VAV3: variants seen among roughly 807,000 people sequenced by gnomAD.
VAV3 encodes the protein vav guanine nucleotide exchange factor 3.
Under a neutral mutation model 131.2 loss-of-function variants are expected in VAV3, and 94 were observed. That is an observed-to-expected ratio of 0.72 (90% CI 0.61 to 0.85). The LOEUF (loss-of-function observed/expected upper bound fraction) is 0.85. Among genes scored for constraint, VAV3 ranks in the 40% least tolerant of loss-of-function variants. The pLI is 0.00. For missense variants in VAV3, 939 were observed against 1,002.7 expected, an observed-to-expected ratio of 0.94 and a Z score of 0.86; for synonymous variants, 349 against 342.0, an observed-to-expected ratio of 1.02 and a Z score of -0.22.
intron 1 of VAV3, among the ~76,000 whole-genome samples, chr1:107,895,650 G>A (rs1671527743): frequency 6.6e-6 from 1 of 152,096 alleles, no homozygotes; most frequent in South Asian, 2.1e-4. Context: ...CAGTGACACA[G>A]GAAAGAAAAA....
chr1:107,601,151 A>G (rs1208254554), intron 24 of VAV3, among the ~76,000 whole-genome samples: 1 of 151,978 alleles, frequency 6.6e-6, no homozygotes, highest in East Asian at 1.9e-4. Context: ...CTCTGGTCCA[A>G]TTCTCTCTGT....
chr1:107,701,643 G>T (rs1477733573), intron 17 of VAV3, among the ~76,000 whole-genome samples: 2 of 152,150 alleles, frequency 1.3e-5, no homozygotes, highest in Admixed American at 6.5e-5. Flanking sequence ...GCATCATCAG[G>T]CTGCAAATTC....
At chr1:107,838,096 C>A (rs1245599556) in intron 2 of VAV3, among the ~76,000 whole-genome samples, 1 of 152,144 alleles carries the variant, frequency 6.6e-6, no homozygotes, top group Non-Finnish European at 1.5e-5. Flanking sequence ...ACAGAGTAAA[C>A]AAACTACAGA....
intron 25 of VAV3, among the ~76,000 whole-genome samples, chr1:107,582,099 C>T (rs570995253): frequency 5.3e-5 from 8 of 152,242 alleles, no homozygotes; most frequent in South Asian, 2.1e-4. Flanking sequence ...TGATCACTTG[C>T]GTTTGCTGCC....
At chr1:107,807,325 T>C (rs1667104398) in intron 2 of VAV3, among the ~76,000 whole-genome samples, 1 of 152,224 alleles carries the variant, frequency 6.6e-6, no homozygotes, top group Admixed American at 6.5e-5. Flanking sequence ...GCTCAGTATT[T>C]AGAACCCAAC....
chr1:107,577,032 C>T (rs772507225), intron 25 of VAV3, among the ~76,000 whole-genome samples: 15 of 152,162 alleles, frequency 9.9e-5, no homozygotes, highest in Admixed American at 6.5e-5. Flanking sequence ...AAAGTAAATA[C>T]ATCCTCCACA....
chr1:107,676,042 C>G (rs1220637027), intron 19 of VAV3, among the ~76,000 whole-genome samples: 1 of 152,148 alleles, frequency 6.6e-6, no homozygotes, highest in African/African-American at 2.4e-5. Flanking sequence ...AGGTGGAAAA[C>G]CTAGGCACAG....
rs151190550 is a variant in VAV3 at position 107,667,277 on chromosome 1, G to A, written c.1777+16211C>T. ...AATCAATACACAGAAATTCTGGAAGGTGGATGCTAATAACACCCCCAGTAA... is the reference window on the plus strand; with the variant it reads ...AATCAATACACAGAAATTCTGGAAGATGGATGCTAATAACACCCCCAGTAA... On this transcript the variant is annotated intron_variant, in intron 19 of 26. Transcript: ENST00000370056. 2.0e-5 allele frequency among the ~76,000 whole-genome samples: 3 copies of A among 152,282 alleles called. No individual in the cohort carries two copies. In the East Asian group the frequency reaches 5.8e-4, roughly 29 times the overall value.
At chr1:107,906,491 C>T (rs1352287694) in intron 1 of VAV3, among the ~76,000 whole-genome samples, 1 of 151,962 alleles carries the variant, frequency 6.6e-6, no homozygotes, top group East Asian at 1.9e-4. Flanking sequence ...CGTGAAACCC[C>T]GTCTCTACTA....
intron 4 of VAV3, among the ~76,000 whole-genome samples, chr1:107,775,709 C>T (rs1366914781): frequency 1.3e-5 from 2 of 148,838 alleles, no homozygotes; most frequent in Admixed American, 6.7e-5. Flanking sequence ...TTCAATAAAA[C>T]AACTGGCACT....
At chr1:107,737,467 A>G (rs576028820) in intron 15 of VAV3, among the ~76,000 whole-genome samples, 1 of 152,182 alleles carries the variant, frequency 6.6e-6, no homozygotes, top group African/African-American at 2.4e-5. Context: ...CTGACAAAGG[A>G]CTAATATCCA....
intron 15 of VAV3, among the ~76,000 whole-genome samples, chr1:107,745,917 G>A (rs1663314370): frequency 6.6e-6 from 1 of 152,132 alleles, no homozygotes; most frequent in Non-Finnish European, 1.5e-5. Flanking sequence ...GGAACTCAAG[G>A]GACTCGTGTT....
At chr1:107,581,390 T>A (rs1228516993) in intron 25 of VAV3, among the ~76,000 whole-genome samples, 1 of 152,212 alleles carries the variant, frequency 6.6e-6, no homozygotes, top group Non-Finnish European at 1.5e-5. Flanking sequence ...CAGTGGCTCA[T>A]AATTTAGTGA....
At chr1:107,649,049 A>C (rs1655951557) in intron 19 of VAV3, among the ~76,000 whole-genome samples, 1 of 152,022 alleles carries the variant, frequency 6.6e-6, no homozygotes, top group Admixed American at 6.6e-5. Flanking sequence ...CAGCCTCAAA[A>C]GCCCTCAAAA....
intron 2 of VAV3, among the ~76,000 whole-genome samples, chr1:107,814,752 C>CA (rs1342793935): frequency 6.6e-6 from 1 of 152,120 alleles, no homozygotes; most frequent in Non-Finnish European, 1.5e-5. Flanking sequence ...TTGAGCAATG[C>CA]AGAGGTATGA....
chr1:107,771,635 G>C (rs897991133), intron 5 of VAV3, among the ~76,000 whole-genome samples: 1 of 152,232 alleles, frequency 6.6e-6, no homozygotes, highest in African/African-American at 2.4e-5. Flanking sequence ...GAGAATTACA[G>C]TACCAACCCC....
At chr1:107,591,927 A>G (rs1363796341) in intron 25 of VAV3, among the ~76,000 whole-genome samples, 1 of 152,152 alleles carries the variant, frequency 6.6e-6, no homozygotes, top group Non-Finnish European at 1.5e-5. Flanking sequence ...ATGCGGTACT[A>G]TTTTTTAATC....
intron 1 of VAV3, among the ~76,000 whole-genome samples, chr1:107,884,796 A>G (rs1670955048): frequency 6.6e-6 from 1 of 152,136 alleles, no homozygotes; most frequent in Admixed American, 6.6e-5. Flanking sequence ...TTTTAAAAAT[A>G]TGGCACAATC....
intron 1 of VAV3, among the ~76,000 whole-genome samples, chr1:107,950,720 G>T (rs1229938971): frequency 6.6e-6 from 1 of 152,178 alleles, no homozygotes; most frequent in Non-Finnish European, 1.5e-5. Flanking sequence ...AAGGGAATTG[G>T]AGTAAAAATG....
Sources: allele counts gnomAD v4.1 joint callset (sites outside exome capture counted in the v4.1 genomes callset), GRCh38; gene constraint gnomAD v4.1.1; transcripts MANE v1.5; gene names NCBI Gene and HGNC (gene_info 2026-07-23, HGNC 2026-07-21).